CHSY3: variants seen among roughly 807,000 people sequenced by gnomAD.
The protein encoded by CHSY3 is N-acetylgalactosaminyl-proteoglycan 3-beta-glucuronosyltransferase 3.
CHSY3 carries 35 observed loss-of-function variants against 67.2 expected under a neutral mutation model. The ratio of observed to expected loss-of-function variants is 0.52; its 90% CI spans 0.40 to 0.69. The LOEUF (loss-of-function observed/expected upper bound fraction) is 0.69. Among genes scored for constraint, CHSY3 ranks in the 30% least tolerant of loss-of-function variants. CHSY3 has a pLI of 0.00. For synonymous variants in CHSY3, 474 were observed against 434.7 expected, an observed-to-expected ratio of 1.09 and a Z score of -1.12; for missense variants, 1,069 against 1,138.5, an observed-to-expected ratio of 0.94 and a Z score of 0.88.
intron 2 of CHSY3, among the ~76,000 whole-genome samples, chr5:130,046,170 A>G (rs1243494778): frequency 1.3e-5 from 2 of 152,120 alleles, no homozygotes; most frequent in Non-Finnish European, 2.9e-5. Context: ...ATTTAAGTCA[A>G]AGTAATGCTG....
At chr5:130,060,158 A>G (rs1451671881) in intron 2 of CHSY3, among the ~76,000 whole-genome samples, 1 of 152,202 alleles carries the variant, frequency 6.6e-6, no homozygotes, top group Non-Finnish European at 1.5e-5. Flanking sequence ...CACAGATGCA[A>G]ATCCTTAAGA....
chr5:129,934,917 A>G (rs1761437642), intron 2 of CHSY3, among the ~76,000 whole-genome samples: 1 of 152,182 alleles, frequency 6.6e-6, no homozygotes, highest in Non-Finnish European at 1.5e-5. Flanking sequence ...GCACTCCGAA[A>G]TGCAGAAAGA....
rs376643178 is a variant in CHSY3, at chr5:130,085,742, C to T, written c.1087-98487C>T. The stretch of plus-strand genomic sequence containing the variant: ...GATCTTTGCTGCTTTCTCTTGTGGG[C>T]ATTTAGTGCTATAAATTTCCCTCTA... On this transcript the variant is annotated intron_variant, in intron 2 of 2. Transcript: ENST00000305031. Among the ~76,000 whole-genome samples the T allele has an allele frequency of 5.9e-3, 895 of 152,146 alleles. 9 individuals are homozygous for T. Among genetic ancestry groups the T allele is most frequent in the South Asian group, 0.046 (224 of 4,822 alleles).
At chr5:130,114,029 T>G (rs79846187) in intron 2 of CHSY3, among the ~76,000 whole-genome samples, 3,204 of 152,288 alleles carry the variant, frequency 0.021, 124 homozygotes, top group African/African-American at 0.073. Flanking sequence ...TTATTCATAT[T>G]TTTTCTTCAT....
At chr5:130,015,601 G>A (rs1764197164) in intron 2 of CHSY3, among the ~76,000 whole-genome samples, 1 of 152,222 alleles carries the variant, frequency 6.6e-6, no homozygotes, top group Non-Finnish European at 1.5e-5. Context: ...ATGCTGGTGA[G>A]ATTGTGGAGA....
intron 2 of CHSY3, among the ~76,000 whole-genome samples, chr5:130,058,519 T>TG (rs1275275376): frequency 6.6e-6 from 1 of 151,930 alleles, no homozygotes; most frequent in Non-Finnish European, 1.5e-5. Flanking sequence ...CCCAGCTACT[T>TG]GGGGGGCTGA....
chr5:130,098,103 T>A (rs1259546489), intron 2 of CHSY3, among the ~76,000 whole-genome samples: 1 of 152,112 alleles, frequency 6.6e-6, no homozygotes, highest in Non-Finnish European at 1.5e-5. Context: ...AAAACTATAA[T>A]GCAATGTCAC....
chr5:130,007,392 C>T lies in CHSY3; in HGVS notation c.1086+99032C>T, dbSNP rs1387786583. On this transcript the variant is annotated intron_variant, in intron 2 of 2. Coordinates refer to ENST00000305031, the MANE Select transcript of CHSY3 (RefSeq NM_175856.5). ...AAAAAGATGCACAATCCAAGCAGAT[C>T]TTCTGAAGGAAGTAATAGAGAATGG... Among the ~76,000 whole-genome samples, 8 of 152,060 alleles carry T rather than the reference C, an allele frequency of 5.3e-5. No homozygotes were observed. In the East Asian group the frequency reaches 1.6e-3, roughly 29 times the overall value.
intron 2 of CHSY3, among the ~76,000 whole-genome samples, chr5:130,122,837 A>G (rs1228671620): frequency 7.2e-5 from 11 of 152,226 alleles, no homozygotes; most frequent in Admixed American, 5.2e-4. Flanking sequence ...TAAAACACAT[A>G]TTAGAAGCTA....
intron 2 of CHSY3, among the ~76,000 whole-genome samples, chr5:130,062,368 T>C (rs1364805207): frequency 2.6e-5 from 4 of 151,950 alleles, no homozygotes; most frequent in Admixed American, 2.6e-4. Flanking sequence ...GACATAAAGA[T>C]GGAAATAATG....
chr5:130,185,127 A>G lies in CHSY3; in HGVS notation c.1985A>G (p.Asp662Gly), dbSNP rs1770376916. 1.3e-6 allele frequency: 2 copies of G among 1,599,070 alleles called. No homozygotes were observed. The highest frequency in any genetic ancestry group is 1.7e-6 in the Non-Finnish European group (2 of 1,166,396). ...TTGGTCATTATCCTTTTCAGTAGGG[A>G]TTCTGGCCAAGACTCCAGCAAGCAT... is the stretch of plus-strand genomic sequence containing the variant. Reference protein sequence around the residue: ...VKLVIILFSRDSGQDSSKHIE... With the variant: ...VKLVIILFSRGSGQDSSKHIE... Residue 662 changes from aspartate (D) to glycine (G), a missense_variant, in exon 3 of 3, where the codon GAT becomes GGT. Physicochemically the swap from Asp to Gly is moderately conservative, Grantham distance 94. Around this residue, in one of 5 missense-constraint regions of CHSY3, gnomAD observed 401 missense variants for 395.2 expected, o/e 1.01. Transcript: ENST00000305031.
At chr5:129,947,646 A>G (rs1441931661) in intron 2 of CHSY3, among the ~76,000 whole-genome samples, 1 of 151,856 alleles carries the variant, frequency 6.6e-6, no homozygotes, top group East Asian at 1.9e-4. Flanking sequence ...AAACGAAACA[A>G]AAAAAATGAG....
At chr5:130,079,346 G>A (rs1186470966) in intron 2 of CHSY3, among the ~76,000 whole-genome samples, 1 of 152,002 alleles carries the variant, frequency 6.6e-6, no homozygotes, top group Non-Finnish European at 1.5e-5. Context: ...TAAATAAATG[G>A]AAGTTTCTTT....
chr5:130,037,461 C>A (rs1376611590), intron 2 of CHSY3, among the ~76,000 whole-genome samples: 1 of 152,010 alleles, frequency 6.6e-6, no homozygotes, highest in East Asian at 1.9e-4. Context: ...CATAAACCAG[C>A]AAAATTCTCC....
chr5:130,020,449 ATATATATATATATTTTTT>A (rs1311518077), intron 2 of CHSY3, among the ~76,000 whole-genome samples: 2,707 of 13,336 alleles, frequency 0.2, 151 homozygotes, highest in Admixed American at 0.39. Context: ...ATATATATAT[ATATATATATATATTTTTT>A]TTTTTTTTTT....
At chr5:130,097,675 T>C (rs2099862412) in intron 2 of CHSY3, among the ~76,000 whole-genome samples, 1 of 152,194 alleles carries the variant, frequency 6.6e-6, no homozygotes, top group Admixed American at 6.5e-5. Flanking sequence ...TGTTTTTATT[T>C]TGAGATAATT....
rs538144263 is a variant in CHSY3 at position 130,040,659 on chromosome 5, A to G, written c.1086+132299A>G. On this transcript the variant is annotated intron_variant, in intron 2 of 2. Coordinates refer to ENST00000305031, the MANE Select transcript of CHSY3 (RefSeq NM_175856.5). ...AGTCGTGGAAATCAGAAAGGTAAAC[A>G]ATTTGAAACTTCATGGGCACTCAAA... 2.0e-4 allele frequency among the ~76,000 whole-genome samples: 30 copies of G among 152,240 alleles called. No individual in the cohort carries two copies. The South Asian group carries it at 5.6e-3, about 28-fold the overall frequency.
intron 2 of CHSY3, among the ~76,000 whole-genome samples, chr5:130,126,667 A>G (rs1768301191): frequency 6.6e-6 from 1 of 152,210 alleles, no homozygotes; most frequent in Non-Finnish European, 1.5e-5. Context: ...GTTTTTCTCT[A>G]GTAGACTAAA....
chr5:129,972,041 A>G (rs1428966000), intron 2 of CHSY3, among the ~76,000 whole-genome samples: 1 of 152,070 alleles, frequency 6.6e-6, no homozygotes, highest in Non-Finnish European at 1.5e-5. Context: ...TTTAACCAAC[A>G]ATGCACTAAA....
Sources: allele counts gnomAD v4.1 joint callset (sites outside exome capture counted in the v4.1 genomes callset), GRCh38; gene constraint gnomAD v4.1.1; regional missense constraint gnomAD v4.1.1; transcripts MANE v1.5; gene names NCBI Gene and HGNC (gene_info 2026-07-23, HGNC 2026-07-21).